The following SENP7 variants were observed in gnomAD, a reference collection of about 807,000 sequenced individuals.
The protein encoded by SENP7 is SUMO specific peptidase 7.
In SENP7, 64 loss-of-function variants were observed where a neutral mutation model predicts 141.2. That is an observed-to-expected ratio of 0.45 (90% CI 0.37 to 0.56). The LOEUF is 0.56. Ranked by LOEUF, SENP7 falls within the 20% of genes least tolerant of loss-of-function variation. The pLI, the probability that SENP7 is intolerant of heterozygous loss-of-function variation, is 0.00. For missense variants in SENP7, 1,025 were observed against 1,212.2 expected, an observed-to-expected ratio of 0.85 and a Z score of 2.29; for synonymous variants, 382 against 426.4, an observed-to-expected ratio of 0.90 and a Z score of 1.28.
chr3:101,479,759 C>T (rs1319327842), intron 3 of SENP7, among the ~76,000 whole-genome samples: 5 of 146,580 alleles, frequency 3.4e-5, no homozygotes, highest in Admixed American at 2.7e-4. Context: ...GAGCCGAGAC[C>T]ATGCCACTGC....
chr3:101,379,805 C>T (rs2060444280), intron 6 of SENP7, among the ~76,000 whole-genome samples: 1 of 152,112 alleles, frequency 6.6e-6, no homozygotes. Context: ...CCATATGATC[C>T]AGCACTTCTA....
chr3:101,387,290 G>C (rs895569584), intron 6 of SENP7, among the ~76,000 whole-genome samples: 2 of 152,086 alleles, frequency 1.3e-5, no homozygotes, highest in Admixed American at 6.5e-5. Flanking sequence ...ATACCATTGA[G>C]AGGCCTGACA....
At chr3:101,442,344 G>A (rs542769573) in intron 4 of SENP7, among the ~76,000 whole-genome samples, 60 of 152,250 alleles carry the variant, frequency 3.9e-4, no homozygotes, top group African/African-American at 1.3e-3. Flanking sequence ...GTTTTAGGAC[G>A]AAACTGTTCC....
At chr3:101,467,177 C>T (rs887298478) in intron 3 of SENP7, among the ~76,000 whole-genome samples, 5 of 152,324 alleles carry the variant, frequency 3.3e-5, no homozygotes, top group African/African-American at 9.6e-5. Context: ...ACAAAGTGGC[C>T]GGGCAGCTAG....
At position 101,325,159 on chromosome 3, in the gene SENP7, T is replaced by G. The variant is rs2058866653; in HGVS notation, c.*784A>C. 6.6e-6 allele frequency: 1 copy of G among 152,070 alleles called. No homozygotes were observed. The highest frequency in any genetic ancestry group is 1.5e-5 in the Non-Finnish European group (1 of 67,988). 9.4% of individuals were successfully genotyped at this position (152,070 alleles called of 1,614,324 possible). On this transcript the variant is annotated 3_prime_UTR_variant, in exon 24 of 24. Transcript: ENST00000394095. ...AATTCCGTGATAATGTGAGTGAATA[T>G]TTATATAGCAGTACCTCAAGTTGAG...
At chr3:101,437,294 C>A (rs921678032) in intron 4 of SENP7, among the ~76,000 whole-genome samples, 4 of 152,084 alleles carry the variant, frequency 2.6e-5, no homozygotes, top group African/African-American at 4.8e-5. Flanking sequence ...ATGAATAAAA[C>A]CTACTATTGA....
intron 3 of SENP7, among the ~76,000 whole-genome samples, chr3:101,475,687 C>T (rs1488009086): frequency 6.6e-6 from 1 of 151,798 alleles, no homozygotes; most frequent in Non-Finnish European, 1.5e-5. Context: ...TGCACGTATA[C>T]CCTGGAACTT....
chr3:101,356,630 T>A (rs966942162), intron 11 of SENP7, among the ~76,000 whole-genome samples: 8 of 152,176 alleles, frequency 5.3e-5, no homozygotes, highest in Admixed American at 2.0e-4. Flanking sequence ...GATATTTACA[T>A]AGAATCAATT....
chr3:101,495,958 A>G (rs2065143472), intron 2 of SENP7, among the ~76,000 whole-genome samples: 1 of 152,230 alleles, frequency 6.6e-6, no homozygotes. Context: ...CACAGTGTCC[A>G]ATACATGTTG....
At chr3:101,483,097 A>G (rs1000844635) in intron 3 of SENP7, among the ~76,000 whole-genome samples, 9 of 152,238 alleles carry the variant, frequency 5.9e-5, no homozygotes, top group African/African-American at 1.9e-4. Context: ...TACTGAGTAT[A>G]TGTCCAAAAG....
chr3:101,416,572 T>G (rs530444256), intron 5 of SENP7, among the ~76,000 whole-genome samples: 1 of 152,360 alleles, frequency 6.6e-6, no homozygotes, highest in Admixed American at 6.5e-5. Context: ...AAATTACTGA[T>G]GCTAAGCTGT....
At chr3:101,491,651 A>C (rs1179271797) in intron 3 of SENP7, among the ~76,000 whole-genome samples, 1 of 152,158 alleles carries the variant, frequency 6.6e-6, no homozygotes, top group Non-Finnish European at 1.5e-5. Flanking sequence ...GGTCTCCTTT[A>C]TTGTTTCCCT....
chr3:101,490,180 C>T (rs1240896517), intron 3 of SENP7, among the ~76,000 whole-genome samples: 1 of 147,338 alleles, frequency 6.8e-6, no homozygotes, highest in Non-Finnish European at 1.5e-5. Context: ...GGGGAAACTC[C>T]GTCTCAAAAA....
intron 3 of SENP7, among the ~76,000 whole-genome samples, chr3:101,480,469 C>T (rs1026432847): frequency 4.6e-5 from 7 of 152,144 alleles, no homozygotes; most frequent in South Asian, 2.1e-4. Flanking sequence ...GATATCCATA[C>T]GCAGAAAAAT....
chr3:101,442,953 G>C (rs1306304918), intron 4 of SENP7, among the ~76,000 whole-genome samples: 1 of 152,188 alleles, frequency 6.6e-6, no homozygotes, highest in East Asian at 1.9e-4. Flanking sequence ...CAAAGCGAAA[G>C]AAAACCTATT....
At chr3:101,404,524 A>G (rs1216103862) in intron 5 of SENP7, among the ~76,000 whole-genome samples, 1 of 152,234 alleles carries the variant, frequency 6.6e-6, no homozygotes, top group Non-Finnish European at 1.5e-5. Context: ...CAAAGATTTC[A>G]TGACAAAAAT....
At chr3:101,407,149 A>G (rs745563616) in intron 5 of SENP7, among the ~76,000 whole-genome samples, 3 of 152,218 alleles carry the variant, frequency 2.0e-5, no homozygotes, top group Non-Finnish European at 2.9e-5. Flanking sequence ...AGCTATTCTT[A>G]TATCAGACAA....
At chr3:101,501,578 CATG>C (rs2065380634) in intron 1 of SENP7, among the ~76,000 whole-genome samples, 1 of 151,534 alleles carries the variant, frequency 6.6e-6, no homozygotes, top group Admixed American at 6.6e-5. Flanking sequence ...TGCTGGGCAA[CATG>C]CTTAGGGAAC....
chr3:101,334,774 A>G (rs2059141547), intron 17 of SENP7, among the ~76,000 whole-genome samples: 1 of 152,204 alleles, frequency 6.6e-6, no homozygotes, highest in African/African-American at 2.4e-5. Flanking sequence ...TATTTGGTCG[A>G]TTTCCTGATT....
Sources: allele counts gnomAD v4.1 joint callset (sites outside exome capture counted in the v4.1 genomes callset), GRCh38; gene constraint gnomAD v4.1.1; transcripts MANE v1.5; gene names NCBI Gene and HGNC (gene_info 2026-07-23, HGNC 2026-07-21).